The following SLC2A13 variants were observed in gnomAD, a reference collection of about 807,000 sequenced individuals.
SLC2A13 encodes solute carrier family 2 member 13.
In SLC2A13, 32 loss-of-function variants were observed where a neutral mutation model predicts 64.4. The observed-to-expected ratio is 0.50, with a 90% CI of 0.37 to 0.67. SLC2A13 has a LOEUF of 0.67. SLC2A13 is among the 30% of genes least tolerant of loss of function. SLC2A13 has a pLI of 0.00. For missense variants in SLC2A13, 743 were observed against 829.2 expected (o/e 0.90, Z 1.28); for synonymous variants, 338 against 327.1 (o/e 1.03, Z -0.36).
chr12:40,056,357 G>T (rs568537677), intron 1 of SLC2A13, among the ~76,000 whole-genome samples: 1 of 152,264 alleles, frequency 6.6e-6, no homozygotes, highest in South Asian at 2.1e-4. Context: ...TTGACTGGAA[G>T]TGATGGCAAA....
intron 6 of SLC2A13, among the ~76,000 whole-genome samples, chr12:39,841,032 C>G (rs558216621): frequency 6.6e-6 from 1 of 152,204 alleles, no homozygotes; most frequent in South Asian, 2.1e-4. Flanking sequence ...ATTCACGGCT[C>G]TCAGACCAAA....
At chr12:40,082,225 G>A (rs11175103) in intron 1 of SLC2A13, among the ~76,000 whole-genome samples, 1 of 152,174 alleles carries the variant, frequency 6.6e-6, no homozygotes, top group Non-Finnish European at 1.5e-5. Context: ...GAGCAATCCT[G>A]TGACTCAACC....
rs182988487 is a variant in SLC2A13, at chr12:40,065,824, T to G, written c.557-17614A>C. On this transcript the variant is annotated intron_variant, in intron 1 of 9. Transcript: ENST00000280871. The stretch of plus-strand genomic sequence containing the variant: ...TACCTACCATGAGGCAGGTTTTACA[T>G]AAGTGTTTTATTTCAAAGTCTCACA... 1.2e-4 allele frequency among the ~76,000 whole-genome samples: 18 copies of G among 152,322 alleles called. No individual in the cohort carries two copies. In the East Asian group the frequency reaches 3.5e-3, roughly 29 times the overall value.
At chr12:40,034,390 C>G (rs909026776) in intron 2 of SLC2A13, among the ~76,000 whole-genome samples, 3 of 152,182 alleles carry the variant, frequency 2.0e-5, no homozygotes, top group Admixed American at 1.3e-4. Flanking sequence ...TTTTTAGTCA[C>G]AGTTAATCTT....
At position 39,909,773 on chromosome 12, in the gene SLC2A13, A is replaced by G. The variant is rs942126920; in HGVS notation, c.1035-37812T>C. On this transcript the variant is annotated intron_variant, in intron 4 of 9. Coordinates refer to ENST00000280871, the MANE Select transcript of SLC2A13 (RefSeq NM_052885.4). ...TAGTGAGACATATAGGATTTTACTG[A>G]GAATTAAACGAGAAACAGTAGGTAA... is the stretch of plus-strand genomic sequence containing the variant. Among the ~76,000 whole-genome samples, 3 of 152,014 alleles carry G rather than the reference A, an allele frequency of 2.0e-5. No homozygotes were observed. In the East Asian group the frequency reaches 5.8e-4, roughly 29 times the overall value.
At chr12:40,098,053 A>ATG (rs1939015615) in intron 1 of SLC2A13, among the ~76,000 whole-genome samples, 1 of 151,000 alleles carries the variant, frequency 6.6e-6, no homozygotes, top group Admixed American at 6.6e-5. Context: ...ATATGTGTAT[A>ATG]TATGTATATA....
At chr12:40,008,462 T>A (rs1275201767) in intron 3 of SLC2A13, among the ~76,000 whole-genome samples, 2 of 151,948 alleles carry the variant, frequency 1.3e-5, no homozygotes, top group African/African-American at 4.8e-5. Context: ...AAAAACAACA[T>A]TAGCCAGACA....
At chr12:39,971,997 A>AAAATATATATAT (rs1375405006) in intron 3 of SLC2A13, among the ~76,000 whole-genome samples, 1 of 77,380 alleles carries the variant, frequency 1.3e-5, no homozygotes, top group Non-Finnish European at 2.5e-5. Context: ...AAAAAAAAAA[A>AAAATATATATAT]ATATATATAT....
At chr12:39,877,011 T>A (rs879142358) in intron 4 of SLC2A13, among the ~76,000 whole-genome samples, 1 of 152,142 alleles carries the variant, frequency 6.6e-6, no homozygotes, top group African/African-American at 2.4e-5. Context: ...AATATATATA[T>A]TTTTTGGTAC....
chr12:40,099,875 AAAAG>A (rs1312098516), intron 1 of SLC2A13, among the ~76,000 whole-genome samples: 1 of 152,122 alleles, frequency 6.6e-6, no homozygotes, highest in African/African-American at 2.4e-5. Context: ...AAAACAACCA[AAAAG>A]AAAGAAAGTG....
At chr12:40,082,121 C>T (rs1157260608) in intron 1 of SLC2A13, among the ~76,000 whole-genome samples, 2 of 152,254 alleles carry the variant, frequency 1.3e-5, no homozygotes, top group Middle Eastern at 3.4e-3. Context: ...AAAAGGGCTT[C>T]GGCAAGGCAG....
chr12:39,769,663 C>A (rs1940489690), intron 7 of SLC2A13, among the ~76,000 whole-genome samples: 1 of 151,936 alleles, frequency 6.6e-6, no homozygotes, highest in Non-Finnish European at 1.5e-5. Context: ...CACGTTCCAT[C>A]AATATCTCTT....
intron 1 of SLC2A13, among the ~76,000 whole-genome samples, chr12:40,049,892 A>G (rs1160464315): frequency 6.6e-6 from 1 of 152,162 alleles, no homozygotes. Context: ...ACTAGATACT[A>G]ATTTCCACCA....
intron 4 of SLC2A13, among the ~76,000 whole-genome samples, chr12:39,880,519 T>C (rs1482515426): frequency 6.6e-6 from 1 of 152,190 alleles, no homozygotes; most frequent in Non-Finnish European, 1.5e-5. Flanking sequence ...TACTAGTCAA[T>C]TGTATCATAC....
chr12:39,967,232 T>A (rs1946535297), intron 3 of SLC2A13, among the ~76,000 whole-genome samples: 1 of 152,228 alleles, frequency 6.6e-6, no homozygotes, highest in South Asian at 2.1e-4. Flanking sequence ...TTTCATTGAT[T>A]AAATCTGTTA....
intron 1 of SLC2A13, chr12:40,068,163 G>A (rs758609875): frequency 1.8e-5 from 4 of 218,404 alleles, no homozygotes; most frequent in Non-Finnish European, 2.8e-5. Flanking sequence ...TCCCACCTCA[G>A]CATCCCAAAG....
At position 39,847,964 on chromosome 12, in the gene SLC2A13, C is replaced by T. The variant is rs552309666; in HGVS notation, c.1319+16798G>A. Among the ~76,000 whole-genome samples the T allele has an allele frequency of 5.9e-5, 9 of 152,230 alleles. No individual in the cohort carries two copies. The East Asian group carries it at 1.7e-3, about 29-fold the overall frequency. ...TTCTGATGAGAGGCTATATCTCATG[C>T]TTTGTTTCCTTAACACCTGGCACAA... On this transcript the variant is annotated intron_variant, in intron 6 of 9. Transcript: ENST00000280871.
chr12:40,009,181 C>T (rs771912281), intron 3 of SLC2A13, among the ~76,000 whole-genome samples: 4 of 152,084 alleles, frequency 2.6e-5, no homozygotes, highest in Admixed American at 6.6e-5. Context: ...GTATAAAATG[C>T]GTGGGATCGA....
At chr12:39,961,674 A>T (rs941339918) in intron 3 of SLC2A13, among the ~76,000 whole-genome samples, 1 of 151,546 alleles carries the variant, frequency 6.6e-6, no homozygotes, top group South Asian at 2.1e-4. Flanking sequence ...AATTAAAAAA[A>T]AATTTTTTTT....
Sources: gnomAD v4.1 joint callset for allele counts (sites outside exome capture counted in the v4.1 genomes callset) on GRCh38, gnomAD v4.1.1 for gene constraint, MANE v1.5 for transcripts, NCBI Gene and HGNC (gene_info 2026-07-23, HGNC 2026-07-21) for gene names.